Variants in ROBO2 observed in about 807,000 individuals in gnomAD.
ROBO2 encodes roundabout homolog 2.
ROBO2 carries 53 observed loss-of-function variants against 160.8 expected under a neutral mutation model. That is an observed-to-expected ratio of 0.33 (90% confidence interval 0.26 to 0.41). The LOEUF (loss-of-function observed/expected upper bound fraction) is 0.41, where lower values mean the gene tolerates loss of function less well. ROBO2 is among the 10% of genes least tolerant of loss of function. The probability of loss-of-function intolerance (pLI) is 1.00; values close to 1 mark genes in which losing one functional copy is unlikely to be tolerated. For missense variants in ROBO2, 1,577 were observed against 1,722.4 expected (o/e 0.92, Z 1.49); for synonymous variants, 664 against 611.7 (o/e 1.09, Z -1.26).
chr3:76,041,996 G>T (rs2107767965), intron 2 of ROBO2, among the ~76,000 whole-genome samples: 1 of 146,788 alleles, frequency 6.8e-6, no homozygotes, highest in Admixed American at 6.9e-5. Context: ...GAGAGAGAGG[G>T]AGAGCGAGAG....
chr3:77,289,598 A>G (rs536227254), intron 2 of ROBO2, among the ~76,000 whole-genome samples: 7 of 152,198 alleles, frequency 4.6e-5, no homozygotes, highest in Admixed American at 2.6e-4. Flanking sequence ...CCAAAGACAT[A>G]AAGTAAAATT....
chr3:77,478,363 A>G (rs1461277833), intron 3 of ROBO2, among the ~76,000 whole-genome samples: 1 of 152,224 alleles, frequency 6.6e-6, no homozygotes, highest in Admixed American at 6.5e-5. Context: ...TTAAAAGGAA[A>G]TTGAATAGAT....
Position 75,966,752 on chromosome 3 carries a change from C to T in ROBO2, c.109+29150C>T, listed in dbSNP as rs1180250967. Among the ~76,000 whole-genome samples, 4 of 151,612 alleles carry T rather than the reference C, an allele frequency of 2.6e-5. No individual in the cohort carries two copies. In the East Asian group the frequency reaches 5.9e-4, roughly 22 times the overall value. On this transcript the variant is annotated intron_variant, in intron 2 of 26. Transcript: ENST00000487694. ...TGCCTATATTCTGATCTCTGTTGCC[C>T]TCACTTTTCTATTCCCCCAAATGAT...
At chr3:77,451,653 G>A (rs1426381739) in intron 2 of ROBO2, among the ~76,000 whole-genome samples, 1 of 151,992 alleles carries the variant, frequency 6.6e-6, no homozygotes, top group Non-Finnish European at 1.5e-5. Context: ...AATGTGCAAA[G>A]TCTAGTTCAT....
chr3:77,394,412 C>A (rs1271543440), intron 2 of ROBO2, among the ~76,000 whole-genome samples: 1 of 151,928 alleles, frequency 6.6e-6, no homozygotes, highest in African/African-American at 2.4e-5. Flanking sequence ...AGAAAAAATT[C>A]CAGTTAAAAG....
At chr3:77,011,178 CCTTT>C (rs1301167194) in intron 2 of ROBO2, among the ~76,000 whole-genome samples, 2 of 145,848 alleles carry the variant, frequency 1.4e-5, no homozygotes, top group Non-Finnish European at 3.0e-5. Flanking sequence ...TTCCATCCTT[CCTTT>C]CTTCCTTCCT....
intron 2 of ROBO2, among the ~76,000 whole-genome samples, chr3:76,384,067 G>A (rs1329754829): frequency 6.6e-6 from 1 of 152,208 alleles, no homozygotes; most frequent in Non-Finnish European, 1.5e-5. Flanking sequence ...TTTGTGTACA[G>A]TTGCAGATTA....
intron 2 of ROBO2, among the ~76,000 whole-genome samples, chr3:76,076,044 T>A (rs1470688885): frequency 1.3e-5 from 2 of 152,214 alleles, no homozygotes; most frequent in Non-Finnish European, 2.9e-5. Context: ...AGCAAAATGG[T>A]TATTGCATTA....
chr3:76,322,807 T>A (rs1412674028), intron 2 of ROBO2, among the ~76,000 whole-genome samples: 2 of 152,178 alleles, frequency 1.3e-5, no homozygotes, highest in Non-Finnish European at 2.9e-5. Flanking sequence ...CAATTTTGAT[T>A]ACAGCAACCT....
chr3:76,661,600 G>T (rs1201204570), intron 2 of ROBO2, among the ~76,000 whole-genome samples: 1 of 152,172 alleles, frequency 6.6e-6, no homozygotes, highest in Admixed American at 6.5e-5. Context: ...GGGAATACAG[G>T]TCATAGGTGG....
At chr3:76,391,914 G>C (rs1270647524) in intron 2 of ROBO2, among the ~76,000 whole-genome samples, 2 of 152,116 alleles carry the variant, frequency 1.3e-5, no homozygotes, top group Non-Finnish European at 2.9e-5. Context: ...ATGCAAGTTT[G>C]TTGTTTAAAA....
chr3:77,141,813 A>G (rs1228539848), intron 2 of ROBO2, among the ~76,000 whole-genome samples: 1 of 152,208 alleles, frequency 6.6e-6, no homozygotes, highest in Non-Finnish European at 1.5e-5. Flanking sequence ...AAGCTTACTG[A>G]ATGATTTTTC....
At chr3:77,290,692 A>G (rs1222732636) in intron 2 of ROBO2, among the ~76,000 whole-genome samples, 1 of 47,972 alleles carries the variant, frequency 2.1e-5, no homozygotes, top group African/African-American at 6.1e-5. Flanking sequence ...ATCTGAGGCT[A>G]GATCACCCCA....
At chr3:77,097,757 C>T (rs1001389207) in intron 1 of ROBO2, among the ~76,000 whole-genome samples, 11 of 152,084 alleles carry the variant, frequency 7.2e-5, no homozygotes, top group African/African-American at 2.4e-4. Context: ...GTCTCTTGTT[C>T]TCTTTTACTT....
intron 2 of ROBO2, among the ~76,000 whole-genome samples, chr3:76,008,242 A>C (rs1242627305): frequency 2.6e-5 from 4 of 151,410 alleles, no homozygotes; most frequent in Non-Finnish European, 4.4e-5. Context: ...CAAAAAAAAA[A>C]AAAAAAAAAA....
rs1455753608 is a variant in ROBO2 at position 77,157,951 on chromosome 3, G to A, written c.388+59611G>A. On this transcript the variant is annotated intron_variant, in intron 2 of 25. Transcript: ENST00000461745. ...GATTGTCCCTTCTTTTAGCCTAGAT[G>A]TTCATATTTCAGTTGTTTGATTTAA... Among the ~76,000 whole-genome samples the A allele has an allele frequency of 2.6e-5, 4 of 152,080 alleles. No individual in the cohort carries two copies. In the East Asian group the frequency reaches 7.7e-4, roughly 29 times the overall value.
intron 2 of ROBO2, among the ~76,000 whole-genome samples, chr3:76,504,736 G>A (rs1453235946): frequency 6.6e-6 from 1 of 151,948 alleles, no homozygotes; most frequent in Non-Finnish European, 1.5e-5. Flanking sequence ...CACCGTGTTA[G>A]CCAGGATGGT....
chr3:76,575,590 C>T (rs931073767), intron 2 of ROBO2, among the ~76,000 whole-genome samples: 1 of 151,958 alleles, frequency 6.6e-6, no homozygotes, highest in Non-Finnish European at 1.5e-5. Context: ...TTGAGAGAGA[C>T]CTTCCCCCTT....
intron 2 of ROBO2, among the ~76,000 whole-genome samples, chr3:75,998,671 C>T (rs1326311258): frequency 6.6e-6 from 1 of 152,094 alleles, no homozygotes; most frequent in Admixed American, 6.5e-5. Context: ...ATGCAGCAGG[C>T]GTATCCCTCT....
Sources: allele counts gnomAD v4.1 joint callset (sites outside exome capture counted in the v4.1 genomes callset), GRCh38; gene constraint gnomAD v4.1.1; transcripts MANE v1.5; gene names NCBI Gene and HGNC (gene_info 2026-07-23, HGNC 2026-07-21).